Variants in GGA2 observed in about 807,000 individuals in gnomAD.
GGA2 encodes golgi associated, gamma adaptin ear containing, ARF binding protein 2.
A neutral mutation model predicts 79.5 loss-of-function variants in GGA2; 48 were observed. The observed-to-expected ratio is 0.60, with a 90% CI of 0.48 to 0.77. The LOEUF is 0.77. Among genes scored for constraint, GGA2 ranks in the 30% least tolerant of loss-of-function variants. The pLI is 0.00. For synonymous variants in GGA2, 317 were observed against 302.0 expected (o/e 1.05, Z -0.51); for missense variants, 770 against 774.0 (o/e 0.99, Z 0.06).
rs1964407225 is a variant in GGA2, at chr16:23,464,281, T to G, written c.*3309A>C. 1 of 151,768 alleles carries G rather than the reference T, an allele frequency of 6.6e-6. No homozygotes were observed. The highest frequency in any genetic ancestry group is 2.4e-5 in the African/African-American group (1 of 41,286). The allele number at this position is 151,768 out of a possible 1,614,324, so 9.4% of individuals were successfully genotyped here. On this transcript the variant is annotated 3_prime_UTR_variant, in exon 17 of 17. Coordinates refer to ENST00000309859, the MANE Select transcript of GGA2 (RefSeq NM_015044.4). ...AGTTCATGGAAGATAATAGGAAGAGTAATTAACTGCAGCAAAAGGTTAGGA... is the reference window on the plus strand; with the variant it reads ...AGTTCATGGAAGATAATAGGAAGAGGAATTAACTGCAGCAAAAGGTTAGGA...
At chr16:23,488,176 C>T (rs1334113915) in intron 6 of GGA2, among the ~76,000 whole-genome samples, 1 of 152,154 alleles carries the variant, frequency 6.6e-6, no homozygotes, top group East Asian at 1.9e-4. Flanking sequence ...CCCAACACCA[C>T]ACCCACACAG....
chr16:23,468,026 G>A (rs1964462930), intron 16 of GGA2, among the ~76,000 whole-genome samples: 1 of 152,112 alleles, frequency 6.6e-6, no homozygotes, highest in South Asian at 2.1e-4. Flanking sequence ...TCTTCCTTCA[G>A]TGAGCCCCAA....
chr16:23,468,802 T>C (rs1266039520), intron 16 of GGA2, 84 bp downstream of exon 16: 32 of 768,528 alleles, frequency 4.2e-5, no homozygotes, highest in Non-Finnish European at 7.0e-5. Context: ...AAGGCCTCAA[T>C]GTGCCTCTCT....
chr16:23,488,121 A>G (rs1472295696), intron 6 of GGA2, among the ~76,000 whole-genome samples: 1 of 152,098 alleles, frequency 6.6e-6, no homozygotes, highest in Non-Finnish European at 1.5e-5. Context: ...GCACTGAGAA[A>G]GAGCTGAAGC....
chr16:23,507,365 T>A (rs1384752315), intron 1 of GGA2, among the ~76,000 whole-genome samples: 1 of 152,246 alleles, frequency 6.6e-6, no homozygotes, highest in Non-Finnish European at 1.5e-5. Flanking sequence ...GCCAGGCTCA[T>A]GCCTATAATC....
chr16:23,488,617 C>T lies in GGA2; in HGVS notation c.568G>A (p.Glu190Lys), dbSNP rs1429268975. The T allele has an allele frequency of 6.3e-7, 1 of 1,596,740 alleles. No homozygotes were observed. Among genetic ancestry groups the T allele is most frequent in the African/African-American group, 1.3e-5 (1 of 74,520 alleles). The change falls in exon 6 of 17, where the codon GAA becomes AAA. Residue 190 changes from glutamate to lysine, a missense_variant. By Grantham distance (56) the Glu-to-Lys change is moderately conservative (BLOSUM62 1). Coordinates refer to ENST00000309859, the MANE Select transcript of GGA2 (RefSeq NM_015044.4). ...PKSSIFDADE[E>K]KSKLLTRLLK... ...GTCTGTTTCCTTACCTTGGACTTTT[C>T]TTCATCAGCATCAAAGATGGAGCTC...
At chr16:23,490,208 C>G (rs1391620662) in intron 5 of GGA2, among the ~76,000 whole-genome samples, 1 of 152,170 alleles carries the variant, frequency 6.6e-6, no homozygotes, top group Non-Finnish European at 1.5e-5. Flanking sequence ...TAAACATCAG[C>G]TAACACTAGA....
chr16:23,510,253 CG>C, intron 1 of GGA2, 67 bp downstream of exon 1: 1 of 1,054,730 alleles, frequency 9.5e-7, no homozygotes, highest in Non-Finnish European at 1.3e-6. Flanking sequence ...AGCAAGGCCC[CG>C]GGAGGCGGGA....
chr16:23,511,436 G>A (rs1054351770), upstream of GGA2, among the ~76,000 whole-genome samples: 2 of 151,914 alleles, frequency 1.3e-5, no homozygotes, highest in African/African-American at 2.4e-5. Context: ...TGGGATTACA[G>A]GGGTGAGCCA....
In GGA2 at chr16:23,467,387, A is replaced by AACACACTCACACACAC. The variant is rs1964451251; in HGVS notation, c.*202_*203insGTGTGTGTGAGTGTGT. Reference sequence around the variant, plus strand: ...GCCCTGTGCTACCACCCTCTCCCCGAACACACACACACACACACACACACA... The same window carrying AACACACTCACACACAC: ...GCCCTGTGCTACCACCCTCTCCCCGAACACACTCACACACACACACACACACACACACACACACACA... On this transcript the variant is annotated 3_prime_UTR_variant, in exon 17 of 17. Coordinates refer to ENST00000309859, the MANE Select transcript of GGA2 (RefSeq NM_015044.4). The AACACACTCACACACAC allele has an allele frequency of 3.2e-6, 1 of 308,086 alleles. No homozygotes were observed. The highest frequency in any genetic ancestry group is 5.8e-6 in the Non-Finnish European group (1 of 172,582). The allele number at this position is 308,086 out of a possible 1,614,324, so 19.1% of individuals were successfully genotyped here.
intron 1 of GGA2, among the ~76,000 whole-genome samples, chr16:23,504,383 C>T (rs954486535): frequency 2.0e-5 from 3 of 152,224 alleles, no homozygotes; most frequent in African/African-American, 7.2e-5. Context: ...AGGCCTGTCT[C>T]ATTCACTCTC....
intron 1 of GGA2, among the ~76,000 whole-genome samples, chr16:23,498,787 T>A (rs1165741801): frequency 6.6e-6 from 1 of 152,158 alleles, no homozygotes; most frequent in African/African-American, 2.4e-5. Flanking sequence ...GCAGAAGCCA[T>A]ATCTTCCCTA....
intron 1 of GGA2, among the ~76,000 whole-genome samples, chr16:23,504,703 C>T (rs768700924): frequency 5.9e-5 from 9 of 152,188 alleles, no homozygotes; most frequent in African/African-American, 1.4e-4. Flanking sequence ...AGACAGGGCA[C>T]GGCCAGGGAG....
At chr16:23,484,948 GCA>G (rs1964693370) in intron 8 of GGA2, among the ~76,000 whole-genome samples, 1 of 152,162 alleles carries the variant, frequency 6.6e-6, no homozygotes, top group South Asian at 2.1e-4. Context: ...TAATTCAAAG[GCA>G]TCATTCATAA....
chr16:23,483,282 T>C (rs924738002), intron 8 of GGA2, among the ~76,000 whole-genome samples: 9 of 152,154 alleles, frequency 5.9e-5, no homozygotes, highest in African/African-American at 2.2e-4. Context: ...CAAGGTGGGC[T>C]GATCACCTGA....
chr16:23,467,549 G>A lies in GGA2; in HGVS notation c.*41C>T, dbSNP rs1052857845. The A allele has an allele frequency of 6.0e-6, 6 of 998,964 alleles. No homozygotes were observed. Among genetic ancestry groups the A allele is most frequent in the Non-Finnish European group, 9.6e-6 (6 of 627,660 alleles). The allele number at this position is 998,964 out of a possible 1,614,324, so 61.9% of individuals were successfully genotyped here. A position where few individuals can be genotyped will look rare whatever the true frequency, so the allele number is the denominator to read the frequency against. On this transcript the variant is annotated 3_prime_UTR_variant, in exon 17 of 17. Transcript: ENST00000309859. ...GTCCTGACTAGACAGCAAAAGTAACGCCAGCCTAAGCTTGAAATGAAGGGT... is the reference window on the plus strand; with the variant it reads ...GTCCTGACTAGACAGCAAAAGTAACACCAGCCTAAGCTTGAAATGAAGGGT...
chr16:23,516,100 T>C (rs1965101182), intron 2 of GGA2, among the ~76,000 whole-genome samples: 1 of 151,924 alleles, frequency 6.6e-6, no homozygotes, highest in Non-Finnish European at 1.5e-5. Flanking sequence ...CTCAACTGCC[T>C]GGGCTCAAGT....
intron 14 of GGA2, 146 bp from the exon 15 acceptor site, chr16:23,470,311 T>C: frequency 1.8e-6 from 1 of 569,376 alleles, no homozygotes. Flanking sequence ...TGCACTACCA[T>C]AATCCAAGTC....
At position 23,510,472 on chromosome 16, in the gene GGA2, T is replaced by C. The variant is rs528025516; in HGVS notation, c.-61A>G. On this transcript the variant is annotated 5_prime_UTR_variant, in exon 1 of 17. Coordinates refer to ENST00000309859, the MANE Select transcript of GGA2 (RefSeq NM_015044.4). ...TGCCTCTTCAGCCGCTGTAGCGTCC[T>C]GGCGCTCTCCTCTGCTGACTGCGCG... 476 of 611,830 alleles carry C rather than the reference T, an allele frequency of 7.8e-4. 6 individuals carry two copies. In the African/African-American group the frequency reaches 7.9e-3, roughly 10 times the overall value. The allele number at this position is 611,830 out of a possible 1,614,324, so 37.9% of individuals were successfully genotyped here.
Sources: allele counts gnomAD v4.1 joint callset (sites outside exome capture counted in the v4.1 genomes callset), GRCh38; gene constraint gnomAD v4.1.1; transcripts MANE v1.5; gene names NCBI Gene and HGNC (gene_info 2026-07-23, HGNC 2026-07-21).